The following ABCG2 variants were observed in gnomAD, a reference collection of about 807,000 sequenced individuals.
ABCG2 encodes ATP binding cassette subfamily G member 2 (JR blood group), also known as broad substrate specificity ATP-binding cassette transporter ABCG2.
ABCG2 carries 80 observed loss-of-function variants against 73.5 expected under a neutral mutation model. The ratio of observed to expected loss-of-function variants is 1.09; its 90% CI spans 0.91 to 1.31. The LOEUF (loss-of-function observed/expected upper bound fraction) is 1.31, where lower values mean the gene tolerates loss of function less well. Among genes scored for constraint, ABCG2 ranks in the 50% most tolerant of loss-of-function variants. The probability of loss-of-function intolerance (pLI) is 0.00; values close to 1 mark genes in which losing one functional copy is unlikely to be tolerated. For synonymous variants in ABCG2, 269 were observed against 282.4 expected (o/e 0.95, Z 0.48); for missense variants, 796 against 786.2 (o/e 1.01, Z -0.15).
intron 1 of ABCG2, among the ~76,000 whole-genome samples, chr4:88,188,414 GGTCTCACTGT>G (rs1169089617): frequency 6.6e-6 from 1 of 151,456 alleles, no homozygotes; most frequent in African/African-American, 2.4e-5. Context: ...ATAGAGATGA[GGTCTCACTGT>G]GTTGCCCAAA....
chr4:88,134,374 T>C (rs1050721011), intron 2 of ABCG2, among the ~76,000 whole-genome samples: 1 of 152,162 alleles, frequency 6.6e-6, no homozygotes, highest in Non-Finnish European at 1.5e-5. Context: ...CTGGGGTATC[T>C]CTCAGTGAAA....
At chr4:88,228,373 C>T (rs1730313227) in intron 1 of ABCG2, among the ~76,000 whole-genome samples, 1 of 152,116 alleles carries the variant, frequency 6.6e-6, no homozygotes, top group Non-Finnish European at 1.5e-5. Context: ...TCTCTAAAGT[C>T]ATCTGCAGCC....
At chr4:88,139,102 C>T (rs1040387459) in intron 2 of ABCG2, among the ~76,000 whole-genome samples, 1 of 150,330 alleles carries the variant, frequency 6.7e-6, no homozygotes, top group Non-Finnish European at 1.5e-5. Flanking sequence ...GATTGTGCTG[C>T]TGCACTCCAG....
intron 8 of ABCG2, 63 bp downstream of exon 8, chr4:88,114,894 A>G: frequency 3.7e-6 from 4 of 1,085,226 alleles, no homozygotes; most frequent in Non-Finnish European, 5.5e-6. Flanking sequence ...ATTAGCCACC[A>G]CATTGCTAAA....
chr4:88,124,354 A>G (rs1484229213), intron 5 of ABCG2, among the ~76,000 whole-genome samples: 1 of 152,246 alleles, frequency 6.6e-6, no homozygotes, highest in Admixed American at 6.5e-5. Flanking sequence ...CCCCAGTTAA[A>G]AGACACAGAC....
At chr4:88,196,920 A>T (rs1047169204) in intron 1 of ABCG2, among the ~76,000 whole-genome samples, 1 of 152,086 alleles carries the variant, frequency 6.6e-6, no homozygotes, top group Non-Finnish European at 1.5e-5. Context: ...AGGCTAACCT[A>T]TTGAGGTTTT....
intron 1 of ABCG2, among the ~76,000 whole-genome samples, chr4:88,211,358 G>GTC (rs1553900212): frequency 5.9e-5 from 2 of 33,646 alleles, no homozygotes; most frequent in Non-Finnish European, 1.1e-4. Context: ...TTCAACCCCT[G>GTC]CCCCACCCCC....
chr4:88,166,524 C>T (rs1727526180), intron 1 of ABCG2, among the ~76,000 whole-genome samples: 1 of 152,036 alleles, frequency 6.6e-6, no homozygotes, highest in African/African-American at 2.4e-5. Context: ...TTTACAGGCC[C>T]CCAAGCACTG....
chr4:88,144,383 G>A lies in ABCG2; in HGVS notation c.-19-4369C>T, dbSNP rs188087105. Among the ~76,000 whole-genome samples, 320 of 151,570 alleles carry A rather than the reference G, an allele frequency of 2.1e-3. 10 individuals carry two copies. Among genetic ancestry groups the A allele is most frequent in the Admixed American group, 0.018 (278 of 15,240 alleles). ...CCAGCTCTGCTGCCTCTTTCGTGCT[G>A]GTCTACCTATGTCATTCATACCTCG... On this transcript the variant is annotated intron_variant, in intron 1 of 15. Coordinates refer to ENST00000237612, the MANE Select transcript of ABCG2 (RefSeq NM_004827.3).
intron 7 of ABCG2, among the ~76,000 whole-genome samples, chr4:88,117,558 A>T (rs1172080860): frequency 1.3e-5 from 2 of 151,392 alleles, no homozygotes; most frequent in Non-Finnish European, 2.9e-5. Flanking sequence ...AATGGTGTGA[A>T]CCCGAGAGGC....
chr4:88,205,006 C>T (rs528778298), intron 1 of ABCG2, among the ~76,000 whole-genome samples: 3 of 152,338 alleles, frequency 2.0e-5, no homozygotes, highest in African/African-American at 7.2e-5. Context: ...TCTTGAACAA[C>T]TTGCTCAGTG....
At chr4:88,125,293 A>G (rs1724313962) in intron 5 of ABCG2, among the ~76,000 whole-genome samples, 1 of 146,258 alleles carries the variant, frequency 6.8e-6, no homozygotes, top group Admixed American at 6.8e-5. Flanking sequence ...CTCTGTCTCA[A>G]AAAAAAAAAA....
intron 1 of ABCG2, among the ~76,000 whole-genome samples, chr4:88,230,058 T>C (rs950933698): frequency 6.7e-6 from 1 of 149,502 alleles, no homozygotes; most frequent in African/African-American, 2.5e-5. Flanking sequence ...AATGGCGCGG[T>C]CTTAGCTCAC....
chr4:88,172,743 A>T (rs985787638), intron 1 of ABCG2, among the ~76,000 whole-genome samples: 2 of 152,102 alleles, frequency 1.3e-5, no homozygotes, highest in African/African-American at 4.8e-5. Context: ...TCTTTTTTTA[A>T]ACTTCCATTC....
intron 1 of ABCG2, among the ~76,000 whole-genome samples, chr4:88,209,658 CA>C (rs545353400): frequency 1.4e-5 from 2 of 147,036 alleles, no homozygotes; most frequent in African/African-American, 5.0e-5. Context: ...GACTCTGTCT[CA>C]AAAAAAAACA....
intron 1 of ABCG2, among the ~76,000 whole-genome samples, chr4:88,146,192 C>A (rs1310726290): frequency 6.6e-6 from 1 of 152,064 alleles, no homozygotes; most frequent in Non-Finnish European, 1.5e-5. Context: ...AACAACGTAT[C>A]GCTGTTAGGT....
chr4:88,146,047 G>C (rs570937104), intron 1 of ABCG2, among the ~76,000 whole-genome samples: 31 of 152,286 alleles, frequency 2.0e-4, no homozygotes, highest in African/African-American at 7.2e-4. Flanking sequence ...GGGGAGCCAT[G>C]CTTGGATAAC....
intron 1 of ABCG2, among the ~76,000 whole-genome samples, chr4:88,191,437 C>T (rs1470543988): frequency 6.6e-6 from 1 of 151,882 alleles, no homozygotes; most frequent in African/African-American, 2.4e-5. Flanking sequence ...TAGCTATAAT[C>T]AAAAAGACCT....
chr4:88,131,353 G>T, intron 4 of ABCG2, 140 bp from the exon 5 acceptor site: 1 of 866,458 alleles, frequency 1.2e-6, no homozygotes. Context: ...CTGCAGTTCT[G>T]CAAATGACAG....
Sources: gnomAD v4.1 joint callset for allele counts (sites outside exome capture counted in the v4.1 genomes callset) on GRCh38, gnomAD v4.1.1 for gene constraint, MANE v1.5 for transcripts, NCBI Gene and HGNC (gene_info 2026-07-23, HGNC 2026-07-21) for gene names.